RABGAP1L: variants seen among roughly 807,000 people sequenced by gnomAD.
RABGAP1L encodes the protein rab GTPase-activating protein 1-like.
RABGAP1L carries 63 observed loss-of-function variants against 137.7 expected under a neutral mutation model. That is an observed-to-expected ratio of 0.46 (90% CI 0.37 to 0.56). RABGAP1L has a LOEUF of 0.56. Ranked by LOEUF, RABGAP1L falls within the 20% of genes least tolerant of loss-of-function variation. The pLI is 0.00. For synonymous variants in RABGAP1L, 431 were observed against 433.7 expected (o/e 0.99, Z 0.08); for missense variants, 1,095 against 1,244.0 (o/e 0.88, Z 1.80).
chr1:174,578,992 A>C lies in RABGAP1L; in HGVS notation c.1711-58383A>C, dbSNP rs576209529. Reference sequence around the variant, plus strand: ...AATAGCTATTGAATGGAAAAAATACATATAGAACACAGTCATTTAAGTCGC... The same window carrying C: ...AATAGCTATTGAATGGAAAAAATACCTATAGAACACAGTCATTTAAGTCGC... On this transcript the variant is annotated intron_variant, in intron 13 of 25. Transcript: ENST00000681986. 2.6e-5 allele frequency among the ~76,000 whole-genome samples: 4 copies of C among 152,210 alleles called. No individual in the cohort carries two copies. The South Asian group carries it at 8.3e-4, about 32-fold the overall frequency.
chr1:174,620,105 C>A (rs1672300813), intron 13 of RABGAP1L, among the ~76,000 whole-genome samples: 1 of 152,148 alleles, frequency 6.6e-6, no homozygotes, highest in Non-Finnish European at 1.5e-5. Flanking sequence ...TATATATGCA[C>A]CCAATACAGG....
chr1:174,889,179 A>G (rs1337426776), intron 19 of RABGAP1L, among the ~76,000 whole-genome samples: 1 of 150,604 alleles, frequency 6.6e-6, no homozygotes. Flanking sequence ...GCTGGAGGGC[A>G]GTAGCATGAT....
At chr1:174,465,442 CA>C (rs1169950969) in intron 13 of RABGAP1L, among the ~76,000 whole-genome samples, 4 of 152,024 alleles carry the variant, frequency 2.6e-5, no homozygotes, top group African/African-American at 9.7e-5. Flanking sequence ...TCAGGCGATC[CA>C]CCCACTTCGG....
chr1:174,482,312 G>C (rs911976848), intron 13 of RABGAP1L, among the ~76,000 whole-genome samples: 1 of 152,128 alleles, frequency 6.6e-6, no homozygotes, highest in Non-Finnish European at 1.5e-5. Context: ...AAAATTCAGA[G>C]ACAAAGGGAT....
At chr1:174,350,972 C>T (rs1243286135) in intron 11 of RABGAP1L, among the ~76,000 whole-genome samples, 4 of 123,746 alleles carry the variant, frequency 3.2e-5, no homozygotes, top group Non-Finnish European at 5.1e-5. Flanking sequence ...CGCAGGCATT[C>T]GGCAGACTGA....
intron 19 of RABGAP1L, among the ~76,000 whole-genome samples, chr1:174,888,213 A>G (rs1655503665): frequency 6.6e-6 from 1 of 152,228 alleles, no homozygotes; most frequent in South Asian, 2.1e-4. Context: ...TATCTGTGGT[A>G]TCTATAGGTG....
chr1:174,357,844 A>T (rs1683772086), intron 11 of RABGAP1L, among the ~76,000 whole-genome samples: 2 of 152,242 alleles, frequency 1.3e-5, no homozygotes, highest in Admixed American at 6.5e-5. Flanking sequence ...CAAGTTTGTT[A>T]AATGATAATG....
intron 14 of RABGAP1L, among the ~76,000 whole-genome samples, chr1:174,658,298 C>A (rs897599711): frequency 1.3e-5 from 2 of 152,090 alleles, no homozygotes; most frequent in African/African-American, 4.8e-5. Flanking sequence ...GATTCTTGCT[C>A]TGCCTTTTTG....
intron 13 of RABGAP1L, among the ~76,000 whole-genome samples, chr1:174,461,504 A>G (rs1490732077): frequency 6.6e-6 from 1 of 152,190 alleles, no homozygotes; most frequent in African/African-American, 2.4e-5. Context: ...CTGGTTCCTC[A>G]GAGTGCTTTG....
chr1:174,679,653 A>G (rs1677900921), intron 14 of RABGAP1L, among the ~76,000 whole-genome samples: 1 of 152,214 alleles, frequency 6.6e-6, no homozygotes, highest in Non-Finnish European at 1.5e-5. Flanking sequence ...ACATTCACAA[A>G]CAACATGGTT....
intron 13 of RABGAP1L, among the ~76,000 whole-genome samples, chr1:174,395,362 T>A (rs1300958602): frequency 6.6e-6 from 1 of 152,184 alleles, no homozygotes; most frequent in Non-Finnish European, 1.5e-5. Flanking sequence ...AAAAGATTAC[T>A]ATCACAGGAT....
rs369367139 is a variant in RABGAP1L, at chr1:174,884,024, G to C, written c.2340+72064G>C. 7.5e-4 allele frequency among the ~76,000 whole-genome samples: 114 copies of C among 152,286 alleles called. 5 individuals are homozygous for C. In the South Asian group the frequency reaches 0.023, roughly 31 times the overall value. ...AATGGAGGAAAAATGACCCATTCTG[G>C]CTTTACCATGTTCCACATCTAGAAA... On this transcript the variant is annotated intron_variant, in intron 19 of 25. Transcript: ENST00000681986.
intron 12 of RABGAP1L, among the ~76,000 whole-genome samples, chr1:174,385,849 C>T (rs1686721723): frequency 6.6e-6 from 1 of 152,168 alleles, no homozygotes; most frequent in Non-Finnish European, 1.5e-5. Flanking sequence ...GGAATGAAAG[C>T]CCAGCTGGAT....
In RABGAP1L at chr1:174,948,509, CAAA is replaced by C. The variant is rs3086627; in HGVS notation, c.2341-8927_2341-8925del. On this transcript the variant is annotated intron_variant, in intron 19 of 25. Transcript: ENST00000681986. The stretch of plus-strand genomic sequence containing the variant: ...GCAGCCACAGAGCGAGACCCTGCCT[CAAA>C]AAAAAAAAAAAAAAAAAAAAGGAGT... Among the ~76,000 whole-genome samples, 186 of 64,876 alleles carry C rather than the reference CAAA, an allele frequency of 2.9e-3. 1 individual carries two copies. Among genetic ancestry groups the C allele is most frequent in the Non-Finnish European group, 3.0e-3 (106 of 35,368 alleles). The allele number at this position is 64,876 out of a possible 152,430, so 42.6% of individuals were successfully genotyped here. A position where few individuals can be genotyped will look rare whatever the true frequency, so the allele number is the denominator to read the frequency against.
rs559083260 is a variant in RABGAP1L at position 174,722,219 on chromosome 1, C to T, written c.2169+19963C>T. On this transcript the variant is annotated intron_variant, in intron 17 of 25. Transcript: ENST00000681986. ...CTGTGATTATAGGTGTGAGCCACCG[C>T]GCCTGGCCGATACTCAATTTTTTTA... is the stretch of plus-strand genomic sequence containing the variant. Among the ~76,000 whole-genome samples the T allele has an allele frequency of 5.3e-5, 8 of 152,306 alleles. No individual in the cohort carries two copies. The South Asian group carries it at 8.3e-4, about 16-fold the overall frequency.
chr1:174,850,269 T>TTCTTCTACTGA (rs1648058758), intron 19 of RABGAP1L: 1 of 243,378 alleles, frequency 4.1e-6, no homozygotes, highest in Admixed American at 5.0e-5. Context: ...ACTGAGGCCT[T>TTCTTCTACTGA]GGTGATTTAA....
chr1:174,234,737 C>T (rs1450203844), intron 4 of RABGAP1L, among the ~76,000 whole-genome samples: 4 of 149,986 alleles, frequency 2.7e-5, no homozygotes, highest in Admixed American at 2.0e-4. Flanking sequence ...TTAGGATTGA[C>T]TTGGCAATGC....
chr1:174,696,768 G>A (rs1365265511), intron 15 of RABGAP1L, among the ~76,000 whole-genome samples: 1 of 152,224 alleles, frequency 6.6e-6, no homozygotes. Context: ...TGTAGACGAT[G>A]TAAGACTGTT....
At chr1:174,646,896 G>C (rs2148373713) in intron 14 of RABGAP1L, among the ~76,000 whole-genome samples, 1 of 152,180 alleles carries the variant, frequency 6.6e-6, no homozygotes, top group African/African-American at 2.4e-5. Flanking sequence ...TTGAGCAGTG[G>C]TTTGTAGTTC....
Sources: allele counts gnomAD v4.1 joint callset (sites outside exome capture counted in the v4.1 genomes callset), GRCh38; gene constraint gnomAD v4.1.1; transcripts MANE v1.5; gene names NCBI Gene and HGNC (gene_info 2026-07-23, HGNC 2026-07-21).